WDR59: variants seen among roughly 807,000 people sequenced by gnomAD.
WDR59 encodes the protein GATOR2 complex protein WDR59.
In WDR59, 100 loss-of-function variants were observed where a neutral mutation model predicts 131.2. The observed-to-expected ratio is 0.76, with a 90% CI of 0.65 to 0.90. The LOEUF is 0.90. Among genes scored for constraint, WDR59 ranks in the 40% least tolerant of loss-of-function variants. The pLI is 0.00. For synonymous variants in WDR59, 601 were observed against 466.2 expected (o/e 1.29, Z -3.72); for missense variants, 1,203 against 1,262.2 (o/e 0.95, Z 0.71).
intron 1 of WDR59, among the ~76,000 whole-genome samples, chr16:74,974,327 G>A (rs78003885): frequency 0.029 from 4,473 of 152,214 alleles, 212 homozygotes; most frequent in African/African-American, 0.1. Context: ...CAGGGCAGAG[G>A]AGAGGGCTAT....
At chr16:74,949,653 G>C in intron 5 of WDR59, 65 bp downstream of exon 5, 2 of 1,448,790 alleles carry the variant, frequency 1.4e-6, no homozygotes, top group Non-Finnish European at 1.9e-6. Context: ...TAAGACACTT[G>C]ATCTCTAAAA....
intron 5 of WDR59, among the ~76,000 whole-genome samples, chr16:74,949,038 G>A (rs2145129317): frequency 6.6e-6 from 1 of 152,098 alleles, no homozygotes; most frequent in East Asian, 1.9e-4. Flanking sequence ...ACAAATTACA[G>A]GCCATGTACA....
rs192257938 is a variant in WDR59, at chr16:74,980,793, G to A, written c.54+4171C>T. 2.9e-3 allele frequency among the ~76,000 whole-genome samples: 437 copies of A among 149,836 alleles called. 1 individual carries two copies. The highest frequency in any genetic ancestry group is 0.01 in the African/African-American group (409 of 40,824). Reference sequence around the variant, plus strand: ...TCAAGACCAGCCTGGCCAACATGACGAAACCCCATCTCTACTAAAATACAA... The same window carrying A: ...TCAAGACCAGCCTGGCCAACATGACAAAACCCCATCTCTACTAAAATACAA... On this transcript the variant is annotated intron_variant, in intron 1 of 25. Transcript: ENST00000262144.
chr16:74,949,330 C>CAAA (rs550013099), intron 5 of WDR59, among the ~76,000 whole-genome samples: 56 of 42,558 alleles, frequency 1.3e-3, no homozygotes, highest in East Asian at 3.6e-3. Flanking sequence ...TACCTTGTCT[C>CAAA]AAAAAAAAAA....
intron 3 of WDR59, among the ~76,000 whole-genome samples, chr16:74,952,268 G>T (rs550241736): frequency 6.6e-6 from 1 of 151,342 alleles, no homozygotes; most frequent in South Asian, 2.1e-4. Context: ...TAGCCAGATC[G>T]CATCTCTACA....
chr16:74,886,651 G>A (rs1964779308), intron 23 of WDR59, among the ~76,000 whole-genome samples: 1 of 152,208 alleles, frequency 6.6e-6, no homozygotes, highest in Non-Finnish European at 1.5e-5. Flanking sequence ...TGGGCGTTGT[G>A]GCTCATGCCT....
In WDR59 at chr16:74,917,314, C is replaced by T. The variant is rs547865421; in HGVS notation, c.966+615G>A. 1.7e-3 allele frequency among the ~76,000 whole-genome samples: 252 copies of T among 152,256 alleles called. 6 individuals carry two copies. The South Asian group carries it at 0.05, about 30-fold the overall frequency. Reference sequence around the variant, plus strand: ...CAGCGTACAAGGGTAGGCTTCTTAGCCCATTTAGAAGAGAAAGAAATGAAC... The same window carrying T: ...CAGCGTACAAGGGTAGGCTTCTTAGTCCATTTAGAAGAGAAAGAAATGAAC... On this transcript the variant is annotated intron_variant, in intron 11 of 25. Transcript: ENST00000262144.
At chr16:74,905,535 A>C (rs1965763803) in intron 17 of WDR59, among the ~76,000 whole-genome samples, 1 of 151,360 alleles carries the variant, frequency 6.6e-6, no homozygotes. Flanking sequence ...ACAAAAAATT[A>C]GCCAGGCGTG....
At chr16:74,957,081 C>CTTTTTT (rs34834142) in intron 2 of WDR59, among the ~76,000 whole-genome samples, 1 of 123,946 alleles carries the variant, frequency 8.1e-6, no homozygotes, top group Non-Finnish European at 1.7e-5. Flanking sequence ...CTTTTTTTTT[C>CTTTTTT]TTTTTTTTTT....
chr16:74,949,283 A>C (rs578107381), intron 5 of WDR59, among the ~76,000 whole-genome samples: 2 of 143,618 alleles, frequency 1.4e-5, no homozygotes, highest in African/African-American at 5.1e-5. Context: ...CTGAGCTGAG[A>C]TGACATCACT....
chr16:74,925,996 T>C (rs1433248853), intron 8 of WDR59, among the ~76,000 whole-genome samples: 1 of 70,330 alleles, frequency 1.4e-5, no homozygotes, highest in South Asian at 5.8e-4. Context: ...AAAAAAAATG[T>C]TTTTAATAAA....
At chr16:74,966,131 T>C (rs1193651289) in intron 1 of WDR59, among the ~76,000 whole-genome samples, 4 of 152,132 alleles carry the variant, frequency 2.6e-5, no homozygotes, top group Admixed American at 6.6e-5. Flanking sequence ...ATAGGGCAGT[T>C]GCTACCTGTT....
intron 2 of WDR59, among the ~76,000 whole-genome samples, chr16:74,957,524 G>C (rs943733647): frequency 1.3e-5 from 2 of 151,894 alleles, no homozygotes; most frequent in African/African-American, 2.4e-5. Flanking sequence ...ACTACTTCCT[G>C]GTCAAGAAAA....
chr16:74,946,766 C>A (rs1008091943), intron 6 of WDR59, among the ~76,000 whole-genome samples: 10 of 151,940 alleles, frequency 6.6e-5, no homozygotes, highest in Admixed American at 5.9e-4. Flanking sequence ...TCTAACTTCA[C>A]AAATCATATC....
In WDR59 at chr16:74,892,539, G is replaced by A. The variant is rs140498600; in HGVS notation, c.2027C>T (p.Thr676Ile). ...GGCAGAGGCGGCATTCTTCTGACAT[G>A]TTTCCTGAATATCATTCACATTCAA... ...YILNVNDIQE[T>I]CQKNAASALL... Residue 676 changes from threonine to isoleucine, a missense_variant, in exon 20 of 26, where the codon ACA (threonine) becomes ATA (isoleucine). Thr to Ile is a moderately conservative substitution (Grantham distance 89, BLOSUM62 -1). Transcript: ENST00000262144. 6.2e-7 allele frequency: 1 copy of A among 1,613,514 alleles called. No individual in the cohort carries two copies. Among genetic ancestry groups the A allele is most frequent in the Non-Finnish European group, 8.5e-7 (1 of 1,179,862 alleles).
rs189109898 is a variant in WDR59, at chr16:74,900,475, C to T, written c.1866+3472G>A. On this transcript the variant is annotated intron_variant, in intron 18 of 25. Coordinates refer to ENST00000262144, the MANE Select transcript of WDR59 (RefSeq NM_030581.4). ...ATTTACATGAGAGCTATTTTAGTAA[C>T]ATAAACTAAAGCAAGAGTGGGAGGT... Among the ~76,000 whole-genome samples the T allele has an allele frequency of 1.5e-3, 235 of 152,280 alleles. 1 individual carries two copies. The highest frequency in any genetic ancestry group is 2.0e-3 in the Admixed American group (31 of 15,296).
In WDR59 at chr16:74,956,574, A is replaced by G. The variant is rs200011206; in HGVS notation, c.141T>C (p.Pro47=). The G allele has an allele frequency of 9.3e-6, 15 of 1,614,156 alleles. No homozygotes were observed. In the African/African-American group the frequency reaches 1.7e-4, roughly 19 times the overall value. Residue 47 remains proline, a synonymous_variant, in exon 3 of 26, where the codon CCT becomes CCC. Transcript: ENST00000262144. The part of the protein sequence containing the change: ...RFLYIVNLDA[P]FEGHRKISRQ... Reference sequence around the variant, plus strand: ...GAGAGATCTTTCGGTGACCTTCGAAAGGGGCATCTAGATTGACGATGTATA... The same window carrying G: ...GAGAGATCTTTCGGTGACCTTCGAAGGGGGCATCTAGATTGACGATGTATA...
At chr16:74,882,662 C>G (rs1490444388) in intron 25 of WDR59, among the ~76,000 whole-genome samples, 1 of 151,696 alleles carries the variant, frequency 6.6e-6, no homozygotes, top group Non-Finnish European at 1.5e-5. Context: ...ACTAAAAATA[C>G]AAGTGGCGTG....
intron 8 of WDR59, among the ~76,000 whole-genome samples, chr16:74,926,192 T>G (rs2030796614): frequency 6.6e-6 from 1 of 151,706 alleles, no homozygotes; most frequent in Admixed American, 6.6e-5. Flanking sequence ...CCCACGTAGC[T>G]GGGATTACAG....
Sources: allele counts gnomAD v4.1 joint callset (sites outside exome capture counted in the v4.1 genomes callset), GRCh38; gene constraint gnomAD v4.1.1; transcripts MANE v1.5; gene names NCBI Gene and HGNC (gene_info 2026-07-23, HGNC 2026-07-21).